The following RPF1 variants were observed in gnomAD, a reference collection of about 807,000 sequenced individuals.
RPF1 encodes ribosome production factor 1 homolog.
RPF1 carries 34 observed loss-of-function variants against 41.9 expected under a neutral mutation model. The ratio of observed to expected loss-of-function variants is 0.81; its 90% CI spans 0.62 to 1.08. The LOEUF (loss-of-function observed/expected upper bound fraction) is 1.08, where lower values mean the gene tolerates loss of function less well. RPF1 is among the 50% of genes least tolerant of loss of function. The pLI, the probability that RPF1 is intolerant of heterozygous loss-of-function variation, is 0.00. For missense variants in RPF1, 425 were observed against 435.2 expected (o/e 0.98, Z 0.21); for synonymous variants, 140 against 148.9 (o/e 0.94, Z 0.43).
chr1:84,490,176 C>T (rs1681806379), intron 4 of RPF1, 143 bp from the exon 5 acceptor site: 4 of 567,842 alleles, frequency 7.0e-6, no homozygotes, highest in African/African-American at 2.0e-5. Flanking sequence ...AAAGAGGACA[C>T]ACTGTTCGAG....
At position 84,479,295 on chromosome 1, in the gene RPF1, G is replaced by T. The variant is rs142813262; in HGVS notation, c.14G>T (p.Gly5Val). The change falls in exon 1 of 9, where the codon GGG becomes GTG. Residue 5 changes from glycine (G) to valine (V), a missense_variant. Transcript: ENST00000370654. MAKA[G>V]DKSSSSGKKS... ...GGAGCCAAGACCATGGCGAAAGCCG[G>T]GGATAAGAGCAGCAGCAGCGGGAAG... 25 of 1,600,352 alleles carry T rather than the reference G, an allele frequency of 1.6e-5. No homozygotes were observed. The South Asian group carries it at 2.3e-4, about 15-fold the overall frequency.
intron 3 of RPF1, among the ~76,000 whole-genome samples, chr1:84,486,648 G>A (rs893386759): frequency 6.7e-6 from 1 of 149,000 alleles, no homozygotes; most frequent in African/African-American, 2.5e-5. Context: ...ATTTTTAGAA[G>A]TAGTTGGCTG....
chr1:84,491,485 C>G (rs1274953500), intron 5 of RPF1, among the ~76,000 whole-genome samples: 2 of 152,148 alleles, frequency 1.3e-5, no homozygotes, highest in East Asian at 3.9e-4. Context: ...ACTTTATCCA[C>G]TTGTACTAGT....
intron 1 of RPF1, among the ~76,000 whole-genome samples, chr1:84,479,897 A>G (rs950819354): frequency 1.3e-5 from 2 of 152,206 alleles, no homozygotes; most frequent in African/African-American, 4.8e-5. Context: ...AATACGTAAT[A>G]AATCCAAAAT....
intron 8 of RPF1, among the ~76,000 whole-genome samples, chr1:84,496,933 G>C (rs939570970): frequency 6.6e-6 from 1 of 151,918 alleles, no homozygotes. Context: ...GTGCAGGGGC[G>C]CCATCTCGAC....
At chr1:84,491,235 T>C (rs895729190) in intron 5 of RPF1, among the ~76,000 whole-genome samples, 17 of 152,230 alleles carry the variant, frequency 1.1e-4, no homozygotes, top group African/African-American at 4.1e-4. Context: ...TATTTATTTA[T>C]TTATTGAATG....
rs770862630 is a variant in RPF1 at position 84,496,005 on chromosome 1, G to A, written c.823G>A (p.Gly275Arg). ...SLFPHNPQFI[G>R]RQVATFHNQR... ...CTTTCCTCATAATCCTCAATTTATC[G>A]GAAGGCAGGTTGCCACATTCCACAA... is the stretch of plus-strand genomic sequence containing the variant. The change falls in exon 7 of 9, where the codon GGA becomes AGA. Residue 275 changes from glycine to arginine, a missense_variant. By Grantham distance (125) the Gly-to-Arg change is moderately radical. Coordinates refer to ENST00000370654, the MANE Select transcript of RPF1 (RefSeq NM_025065.7). 3.3e-5 allele frequency: 53 copies of A among 1,612,356 alleles called. No homozygotes were observed. In the East Asian group the frequency reaches 4.9e-4, roughly 15 times the overall value.
At chr1:84,486,306 G>A (rs1681737601) in intron 3 of RPF1, among the ~76,000 whole-genome samples, 1 of 152,022 alleles carries the variant, frequency 6.6e-6, no homozygotes, top group Non-Finnish European at 1.5e-5. Flanking sequence ...AGAATGACGT[G>A]GCCGGGCACA....
intron 2 of RPF1, among the ~76,000 whole-genome samples, chr1:84,482,203 A>G (rs1218321099): frequency 6.6e-6 from 1 of 152,150 alleles, no homozygotes. Context: ...TAGTGTACAT[A>G]TATTTTGAAT....
rs780259031 is a variant in RPF1 at position 84,495,987 on chromosome 1, C to A, written c.805C>A (p.His269Asn). Residue 269 changes from histidine (H) to asparagine (N), a missense_variant, in exon 7 of 9, where the codon CAT becomes AAT. Transcript: ENST00000370654. ...IGRMFASLFP[H>N]NPQFIGRQVA... ...ACGTATGTTTGCATCTCTCTTTCCT[C>A]ATAATCCTCAATTTATCGGAAGGCA... 1 of 1,610,784 alleles carries A rather than the reference C, an allele frequency of 6.2e-7. No individual in the cohort carries two copies. The highest frequency in any genetic ancestry group is 2.2e-5 in the East Asian group (1 of 44,854).
chr1:84,479,376 G>T lies in RPF1; in HGVS notation c.95G>T (p.Gly32Val). 6.2e-7 allele frequency: 1 copy of T among 1,614,176 alleles called. No individual in the cohort carries two copies. Among genetic ancestry groups the T allele is most frequent in the Non-Finnish European group, 8.5e-7 (1 of 1,179,996 alleles). Residue 32 changes from glycine (G) to valine (V), a missense_variant, in exon 1 of 9, where the codon GGG (glycine) becomes GTG (valine). Coordinates refer to ENST00000370654, the MANE Select transcript of RPF1 (RefSeq NM_025065.7). ...AEELQEAAGA[G>V]DGATENGVQP... ...GAACTTCAGGAGGCTGCAGGCGCTG[G>T]GGATGGGGCGACGGAAAACGGGGTC...
At chr1:84,481,214 C>T (rs143095637) in intron 2 of RPF1, among the ~76,000 whole-genome samples, 1,699 of 152,300 alleles carry the variant, frequency 0.011, 11 homozygotes, top group Non-Finnish European at 0.017. Flanking sequence ...GGAAGCCCCT[C>T]GTCTGCTTCA....
intron 5 of RPF1, among the ~76,000 whole-genome samples, chr1:84,494,031 C>T (rs1342845890): frequency 1.3e-5 from 2 of 152,150 alleles, no homozygotes; most frequent in Admixed American, 6.5e-5. Flanking sequence ...TTGTTTTTCA[C>T]TTAGCATGTG....
intron 7 of RPF1, 77 bp downstream of exon 7, chr1:84,496,140 T>C: frequency 2.7e-6 from 4 of 1,471,722 alleles, no homozygotes; most frequent in Non-Finnish European, 3.7e-6. Flanking sequence ...TTCCAACATA[T>C]TGTAGCAAGT....
Position 84,495,360 on chromosome 1 carries a change from CT to C in RPF1, c.617-9del. On this transcript the variant is annotated splice_polypyrimidine_tract_variant and intron_variant, in intron 5 of 8. Coordinates refer to ENST00000370654, the MANE Select transcript of RPF1 (RefSeq NM_025065.7). ...ACAGAGTTCAATGTGTTTTTCTTAACTTTTATGAACAGATGGACTTATTTTG... is the reference window on the plus strand; with the variant it reads ...ACAGAGTTCAATGTGTTTTTCTTAACTTTATGAACAGATGGACTTATTTTG... The C allele has an allele frequency of 7.8e-7, 1 of 1,285,418 alleles. No individual in the cohort carries two copies. Among genetic ancestry groups the C allele is most frequent in the Non-Finnish European group, 1.1e-6 (1 of 899,678 alleles). The allele number at this position is 1,285,418 out of a possible 1,614,324, so 79.6% of individuals were successfully genotyped here.
intron 3 of RPF1, chr1:84,483,276 G>T (rs957098171): frequency 5.4e-6 from 2 of 367,986 alleles, no homozygotes; most frequent in South Asian, 3.2e-5. Flanking sequence ...TTTTGTTTTT[G>T]ATTTTGTTGA....
intron 2 of RPF1, 98 bp from the exon 3 acceptor site, chr1:84,482,817 G>T: frequency 1.5e-6 from 1 of 689,186 alleles, no homozygotes; most frequent in Non-Finnish European, 2.6e-6. Flanking sequence ...GGAACAGATT[G>T]AGTTTGGGGT....
chr1:84,495,266 C>G (rs1400881899), intron 5 of RPF1, 107 bp from the exon 6 acceptor site: 1 of 656,660 alleles, frequency 1.5e-6, no homozygotes. Flanking sequence ...TCTGCCTATT[C>G]ACTTGGGTAC....
At position 84,490,302 on chromosome 1, in the gene RPF1, G is replaced by T; in HGVS notation, c.463-17G>T. 6.7e-7 allele frequency: 1 copy of T among 1,497,568 alleles called. No individual in the cohort carries two copies. Among genetic ancestry groups the T allele is most frequent in the Non-Finnish European group, 8.9e-7 (1 of 1,123,064 alleles). The allele number at this position is 1,497,568 out of a possible 1,614,324, so 92.8% of individuals were successfully genotyped here. On this transcript the variant is annotated splice_polypyrimidine_tract_variant and intron_variant, in intron 4 of 8. Coordinates refer to ENST00000370654, the MANE Select transcript of RPF1 (RefSeq NM_025065.7). ...TTTTTGAAAACTATTCAAAATTTTT[G>T]TTATTTTGTTTTGCAGAGAACAGTA...
Sources: gnomAD v4.1 joint callset for allele counts (sites outside exome capture counted in the v4.1 genomes callset) on GRCh38, gnomAD v4.1.1 for gene constraint, MANE v1.5 for transcripts, NCBI Gene and HGNC (gene_info 2026-07-23, HGNC 2026-07-21) for gene names.